CYP39A1: variants seen among roughly 807,000 people sequenced by gnomAD.
The protein encoded by CYP39A1 is cytochrome P450 family 39 subfamily A member 1.
In CYP39A1, 49 loss-of-function variants were observed where a neutral mutation model predicts 58.1. The ratio of observed to expected loss-of-function variants is 0.84; its 90% CI spans 0.67 to 1.07. The LOEUF is 1.07. Ranked by LOEUF, CYP39A1 falls within the 50% of genes least tolerant of loss-of-function variation. The pLI, the probability that CYP39A1 is intolerant of heterozygous loss-of-function variation, is 0.00. For missense variants in CYP39A1, 531 were observed against 539.4 expected (o/e 0.98, Z 0.16); for synonymous variants, 209 against 187.6 (o/e 1.11, Z -0.93).
At chr6:46,574,106 A>C (rs143145581) in intron 10 of CYP39A1, among the ~76,000 whole-genome samples, 1 of 152,160 alleles carries the variant, frequency 6.6e-6, no homozygotes, top group Non-Finnish European at 1.5e-5. Flanking sequence ...TGATGTTGCC[A>C]TGGAGTCAGT....
intron 7 of CYP39A1, among the ~76,000 whole-genome samples, chr6:46,603,614 A>G (rs1254029399): frequency 6.6e-6 from 1 of 152,172 alleles, no homozygotes; most frequent in East Asian, 1.9e-4. Context: ...GTGGTTTTGT[A>G]TTCCTTTTTC....
chr6:46,592,657 A>G (rs972730038), intron 8 of CYP39A1, among the ~76,000 whole-genome samples: 3 of 151,932 alleles, frequency 2.0e-5, no homozygotes, highest in African/African-American at 7.3e-5. Context: ...GTGTTTTATT[A>G]AAACAGAAAA....
chr6:46,552,885 A>G (rs1582277545), intron 11 of CYP39A1, among the ~76,000 whole-genome samples: 2 of 152,080 alleles, frequency 1.3e-5, no homozygotes, highest in South Asian at 4.2e-4. Flanking sequence ...CATCTCTACT[A>G]AAAATACAAA....
chr6:46,643,256 T>A (rs530279020), intron 1 of CYP39A1, among the ~76,000 whole-genome samples: 1 of 152,320 alleles, frequency 6.6e-6, no homozygotes, highest in South Asian at 2.1e-4. Flanking sequence ...GACTCTATCA[T>A]CAAAAGAAAT....
rs200704334 is a variant in CYP39A1, at chr6:46,636,380, A to T, written c.732+9T>A. ...TTACATTAGCAAAAGAAAGGTAAGAAATACTTACCATGGAATTATCTTTTG... is the reference window on the plus strand; with the variant it reads ...TTACATTAGCAAAAGAAAGGTAAGATATACTTACCATGGAATTATCTTTTG... On this transcript the variant is annotated intron_variant, in intron 5 of 11. Coordinates refer to ENST00000275016, the MANE Select transcript of CYP39A1 (RefSeq NM_016593.5). 1.9e-6 allele frequency: 3 copies of T among 1,549,818 alleles called. No homozygotes were observed. The highest frequency in any genetic ancestry group is 1.8e-6 in the Non-Finnish European group (2 of 1,130,124).
intron 7 of CYP39A1, among the ~76,000 whole-genome samples, chr6:46,613,704 G>GC (rs1554163692): frequency 2.1e-5 from 3 of 143,144 alleles, no homozygotes; most frequent in Non-Finnish European, 4.6e-5. Flanking sequence ...TTATTTGTTT[G>GC]TTTTTTTTTT....
At chr6:46,585,592 A>T (rs539234845) in intron 10 of CYP39A1, among the ~76,000 whole-genome samples, 1 of 152,214 alleles carries the variant, frequency 6.6e-6, no homozygotes, top group African/African-American at 2.4e-5. Flanking sequence ...TCCCTAAAGT[A>T]ACTGATACTC....
At chr6:46,633,543 C>CT (rs1387327886) in intron 5 of CYP39A1, among the ~76,000 whole-genome samples, 8 of 151,920 alleles carry the variant, frequency 5.3e-5, no homozygotes, top group South Asian at 2.1e-4. Context: ...TTAGCTCACA[C>CT]TTTTTTTTAA....
At chr6:46,583,745 A>G (rs1772292837) in intron 10 of CYP39A1, among the ~76,000 whole-genome samples, 1 of 152,146 alleles carries the variant, frequency 6.6e-6, no homozygotes, top group Non-Finnish European at 1.5e-5. Flanking sequence ...CAGTTCTTCC[A>G]TTCTGATTTT....
chr6:46,605,751 C>A (rs1773808711), intron 7 of CYP39A1, among the ~76,000 whole-genome samples: 1 of 152,130 alleles, frequency 6.6e-6, no homozygotes, highest in South Asian at 2.1e-4. Context: ...AAGGTGGTTC[C>A]AGCAAGCTAG....
chr6:46,578,426 A>G (rs1413258565), intron 10 of CYP39A1, among the ~76,000 whole-genome samples: 2 of 152,052 alleles, frequency 1.3e-5, no homozygotes, highest in Non-Finnish European at 2.9e-5. Flanking sequence ...CCAAAACTGG[A>G]GTTGACCAAA....
Position 46,652,593 on chromosome 6 carries a change from A to C in CYP39A1, c.-11T>G. 1 of 1,583,098 alleles carries C rather than the reference A, an allele frequency of 6.3e-7. No individual in the cohort carries two copies. Among genetic ancestry groups the C allele is most frequent in the Non-Finnish European group, 8.6e-7 (1 of 1,165,426 alleles). On this transcript the variant is annotated 5_prime_UTR_variant, in exon 1 of 12. Coordinates refer to ENST00000275016, the MANE Select transcript of CYP39A1 (RefSeq NM_016593.5). ...GGAAATTAGTTCCATGTTTTTGTCC[A>C]GCACCTTCCAGAAGCAGAAAAGTGT...
chr6:46,556,716 A>G (rs1770683556), intron 10 of CYP39A1, among the ~76,000 whole-genome samples: 1 of 152,194 alleles, frequency 6.6e-6, no homozygotes, highest in Non-Finnish European at 1.5e-5. Context: ...AAGCTTAAAA[A>G]CAAGTTTTGC....
chr6:46,558,486 C>A (rs1305192155), intron 10 of CYP39A1, among the ~76,000 whole-genome samples: 1 of 152,080 alleles, frequency 6.6e-6, no homozygotes, highest in Admixed American at 6.5e-5. Context: ...GGGAAGTTCA[C>A]CCCCATGATT....
At chr6:46,578,922 A>C (rs961335591) in intron 10 of CYP39A1, among the ~76,000 whole-genome samples, 1 of 152,004 alleles carries the variant, frequency 6.6e-6, no homozygotes, top group African/African-American at 2.4e-5. Context: ...GAAATTATTC[A>C]AAAAAGTCAA....
intron 7 of CYP39A1, among the ~76,000 whole-genome samples, chr6:46,613,186 C>A (rs975005186): frequency 6.6e-6 from 1 of 152,176 alleles, no homozygotes; most frequent in South Asian, 2.1e-4. Context: ...AAGAGTCAGA[C>A]GCTTTCCTCA....
chr6:46,559,953 A>G (rs1770886173), intron 10 of CYP39A1, among the ~76,000 whole-genome samples: 1 of 152,208 alleles, frequency 6.6e-6, no homozygotes, highest in Admixed American at 6.5e-5. Flanking sequence ...CAAAAACAAT[A>G]TTCATGTTCT....
At chr6:46,621,337 T>C (rs571294130) in intron 7 of CYP39A1, among the ~76,000 whole-genome samples, 1 of 148,898 alleles carries the variant, frequency 6.7e-6, no homozygotes, top group East Asian at 2.0e-4. Flanking sequence ...TTAAATTAAA[T>C]ACAAAAATCA....
intron 10 of CYP39A1, among the ~76,000 whole-genome samples, chr6:46,571,828 T>G (rs1771600565): frequency 6.6e-6 from 1 of 152,092 alleles, no homozygotes; most frequent in Admixed American, 6.6e-5. Flanking sequence ...CTATCTTCCT[T>G]TCTGATATGA....
Sources: allele counts gnomAD v4.1 joint callset (sites outside exome capture counted in the v4.1 genomes callset), GRCh38; gene constraint gnomAD v4.1.1; transcripts MANE v1.5; gene names NCBI Gene and HGNC (gene_info 2026-07-23, HGNC 2026-07-21).